Variants in LRRC4C observed in about 807,000 individuals in gnomAD.
LRRC4C encodes leucine rich repeat containing 4C.
A neutral mutation model predicts 33.6 loss-of-function variants in LRRC4C; 5 were observed. The observed-to-expected ratio is 0.15, with a 90% CI of 0.08 to 0.31. LRRC4C has a LOEUF of 0.31. LRRC4C is among the 10% of genes least tolerant of loss of function. The probability of loss-of-function intolerance (pLI) is 1.00; values close to 1 mark genes in which losing one functional copy is unlikely to be tolerated. For synonymous variants in LRRC4C, 329 were observed against 302.0 expected (o/e 1.09, Z -0.93); for missense variants, 560 against 796.7 (o/e 0.70, Z 3.58).
rs1954045963 is a variant in LRRC4C at position 40,489,640 on chromosome 11, C to T, written c.-270+158502G>A. On this transcript the variant is annotated intron_variant, in intron 3 of 6. Transcript: ENST00000528697. The stretch of plus-strand genomic sequence containing the variant: ...AAGGGTTGGAGCTACCACTGTTTTT[C>T]CTAGAAACAATTGAAAGCTCACAAT... Among the ~76,000 whole-genome samples the T allele has an allele frequency of 3.3e-5, 5 of 152,192 alleles. 1 individual carries two copies. The South Asian group carries it at 1.0e-3, about 32-fold the overall frequency.
Position 41,118,844 on chromosome 11 carries a change from G to A in LRRC4C, c.-495-185121C>T, listed in dbSNP as rs957923785. ...CTCATTATAAGGATCACCATCAAGG[G>A]CATTTTTCATTACATCATAGAGTGT... On this transcript the variant is annotated intron_variant, in intron 1 of 6. Coordinates refer to ENST00000528697, the MANE Select transcript of LRRC4C (RefSeq NM_001258419.2). Among the ~76,000 whole-genome samples, 6 of 151,974 alleles carry A rather than the reference G, an allele frequency of 3.9e-5. No individual in the cohort carries two copies. In the East Asian group the frequency reaches 1.2e-3, roughly 29 times the overall value.
chr11:40,209,851 A>G (rs1863451370), intron 5 of LRRC4C, among the ~76,000 whole-genome samples: 1 of 152,238 alleles, frequency 6.6e-6, no homozygotes, highest in African/African-American at 2.4e-5. Context: ...TGCCTGATAA[A>G]AGAGAAGTAT....
At chr11:41,158,495 T>G (rs905318672) in intron 1 of LRRC4C, among the ~76,000 whole-genome samples, 4 of 152,090 alleles carry the variant, frequency 2.6e-5, no homozygotes, top group Non-Finnish European at 5.9e-5. Context: ...GGTTACATAA[T>G]CAGGCAAGTG....
chr11:40,344,934 T>C (rs963172691), intron 3 of LRRC4C, among the ~76,000 whole-genome samples: 5 of 152,114 alleles, frequency 3.3e-5, no homozygotes, highest in African/African-American at 1.2e-4. Flanking sequence ...TGCCTAGGAA[T>C]ACAGCTAACC....
chr11:41,160,515 G>A (rs1944422491), intron 1 of LRRC4C, among the ~76,000 whole-genome samples: 1 of 152,012 alleles, frequency 6.6e-6, no homozygotes, highest in Non-Finnish European at 1.5e-5. Context: ...TCCTGAACAT[G>A]AGTTGCTGAT....
chr11:40,650,258 G>T (rs1212175789), intron 2 of LRRC4C, among the ~76,000 whole-genome samples: 4 of 152,162 alleles, frequency 2.6e-5, no homozygotes, highest in African/African-American at 7.2e-5. Context: ...AGCCACTCAT[G>T]TTAAGTGTCA....
At chr11:41,244,376 T>A (rs1948371889) in intron 1 of LRRC4C, among the ~76,000 whole-genome samples, 1 of 152,162 alleles carries the variant, frequency 6.6e-6, no homozygotes, top group Admixed American at 6.5e-5. Flanking sequence ...AGAAGTAGAT[T>A]CCTGTTTTAT....
rs141528474 is a variant in LRRC4C at position 41,387,872 on chromosome 11, G to T, written c.-496+71559C>A. Among the ~76,000 whole-genome samples, 25 of 151,834 alleles carry T rather than the reference G, an allele frequency of 1.6e-4. No homozygotes were observed. In the East Asian group the frequency reaches 4.3e-3, roughly 26 times the overall value. ...TTCTCCTGGGATGTCACTTTCCAGG[G>T]TCACCTCAGTAGATCACTTTTCTAA... is the stretch of plus-strand genomic sequence containing the variant. On this transcript the variant is annotated intron_variant, in intron 1 of 6. Coordinates refer to ENST00000528697, the MANE Select transcript of LRRC4C (RefSeq NM_001258419.2).
rs1467325977 is a variant in LRRC4C, at chr11:40,716,239, C to CA, written c.-406-67962dup. Reference sequence around the variant, plus strand: ...AGAAAGATAGGCATGGGTCCATGTGCAAGGTCCTTAGGGAGCTGGGTGGTA... The same window carrying CA: ...AGAAAGATAGGCATGGGTCCATGTGCAAAGGTCCTTAGGGAGCTGGGTGGTA... On this transcript the variant is annotated intron_variant, in intron 2 of 6. Coordinates refer to ENST00000528697, the MANE Select transcript of LRRC4C (RefSeq NM_001258419.2). Among the ~76,000 whole-genome samples, 14 of 152,060 alleles carry CA rather than the reference C, an allele frequency of 9.2e-5. No individual in the cohort carries two copies. In the East Asian group the frequency reaches 2.7e-3, roughly 29 times the overall value.
At chr11:40,416,627 A>G (rs1041366805) in intron 3 of LRRC4C, among the ~76,000 whole-genome samples, 1 of 152,196 alleles carries the variant, frequency 6.6e-6, no homozygotes, top group Non-Finnish European at 1.5e-5. Context: ...GTATCAATTT[A>G]TGATTTTGTA....
At chr11:40,163,888 A>G (rs1474563214) in intron 5 of LRRC4C, among the ~76,000 whole-genome samples, 1 of 152,218 alleles carries the variant, frequency 6.6e-6, no homozygotes, top group Non-Finnish European at 1.5e-5. Context: ...TGGTGGGATT[A>G]TAATTTGTTT....
intron 3 of LRRC4C, among the ~76,000 whole-genome samples, chr11:40,325,051 C>T (rs1946031246): frequency 6.6e-6 from 1 of 152,050 alleles, no homozygotes; most frequent in African/African-American, 2.4e-5. Context: ...ACCATTATTA[C>T]TTTATTATTA....
intron 1 of LRRC4C, among the ~76,000 whole-genome samples, chr11:41,017,589 A>G (rs1040675737): frequency 6.6e-6 from 1 of 152,052 alleles, no homozygotes; most frequent in Non-Finnish European, 1.5e-5. Context: ...TAAATATATT[A>G]TTCTCCTCAT....
chr11:40,281,708 A>T (rs1463264853), intron 4 of LRRC4C, among the ~76,000 whole-genome samples: 1 of 152,202 alleles, frequency 6.6e-6, no homozygotes, highest in Non-Finnish European at 1.5e-5. Flanking sequence ...AACAAAAATG[A>T]TCAGCTGCAC....
intron 1 of LRRC4C, among the ~76,000 whole-genome samples, chr11:40,990,259 A>ATATG (rs1401986562): frequency 2.8e-5 from 4 of 141,190 alleles, no homozygotes; most frequent in Non-Finnish European, 6.2e-5. Flanking sequence ...ATATATATAT[A>ATATG]TATATATATA....
chr11:41,060,460 A>G (rs1937677180), intron 1 of LRRC4C, among the ~76,000 whole-genome samples: 1 of 152,200 alleles, frequency 6.6e-6, no homozygotes, highest in African/African-American at 2.4e-5. Flanking sequence ...GTTTCTGGCG[A>G]GTACCCTCTT....
intron 3 of LRRC4C, among the ~76,000 whole-genome samples, chr11:40,404,045 T>C (rs1949866208): frequency 1.3e-5 from 2 of 152,158 alleles, no homozygotes; most frequent in African/African-American, 4.8e-5. Context: ...GTTTGCTTAA[T>C]GAGATCAAAG....
At position 40,860,777 on chromosome 11, in the gene LRRC4C, C is replaced by CTT. The variant is rs60307580; in HGVS notation, c.-407+72856_-407+72857dup. On this transcript the variant is annotated intron_variant, in intron 2 of 6. Coordinates refer to ENST00000528697, the MANE Select transcript of LRRC4C (RefSeq NM_001258419.2). ...ATTCTGATGTTCCAGGGCTTAGGAT[C>CTT]TTTTTTTTTTTTTTTTTTTTTTTTT... is the stretch of plus-strand genomic sequence containing the variant. Among the ~76,000 whole-genome samples, 5 of 43,226 alleles carry CTT rather than the reference C, an allele frequency of 1.2e-4. 1 individual carries two copies. Among genetic ancestry groups the CTT allele is most frequent in the African/African-American group, 3.6e-4 (4 of 11,188 alleles). The allele number at this position is 43,226 out of a possible 152,430, so 28.4% of individuals were successfully genotyped here.
chr11:40,139,611 T>C (rs888876133), intron 6 of LRRC4C, among the ~76,000 whole-genome samples: 4 of 152,140 alleles, frequency 2.6e-5, no homozygotes, highest in African/African-American at 9.7e-5. Context: ...TCATGCCAAT[T>C]ATACCCCCAC....
Sources: allele counts gnomAD v4.1 joint callset (sites outside exome capture counted in the v4.1 genomes callset), GRCh38; gene constraint gnomAD v4.1.1; transcripts MANE v1.5; gene names NCBI Gene and HGNC (gene_info 2026-07-23, HGNC 2026-07-21).